PLPPR5: variants seen among roughly 807,000 people sequenced by gnomAD.
PLPPR5 encodes phospholipid phosphatase related 5.
In PLPPR5, 16 loss-of-function variants were observed where a neutral mutation model predicts 33.9. The observed-to-expected ratio is 0.47, with a 90% CI of 0.32 to 0.72. The LOEUF (loss-of-function observed/expected upper bound fraction) is 0.72. PLPPR5 is among the 30% of genes least tolerant of loss of function. The pLI is 0.03. For missense variants in PLPPR5, 301 were observed against 406.7 expected (o/e 0.74, Z 2.23); for synonymous variants, 163 against 150.3 (o/e 1.08, Z -0.62).
At chr1:98,900,512 C>A (rs75068956) in intron 5 of PLPPR5, among the ~76,000 whole-genome samples, 2 of 152,184 alleles carry the variant, frequency 1.3e-5, no homozygotes, top group Non-Finnish European at 2.9e-5. Flanking sequence ...TGTTACATTT[C>A]ATATATTACG....
At chr1:98,979,311 T>C (rs929692451) in intron 1 of PLPPR5, among the ~76,000 whole-genome samples, 5 of 152,078 alleles carry the variant, frequency 3.3e-5, no homozygotes, top group African/African-American at 1.2e-4. Flanking sequence ...TAATTTAAGC[T>C]CTGCTACTGT....
chr1:98,924,771 T>A (rs78400949), intron 3 of PLPPR5, among the ~76,000 whole-genome samples: 1 of 152,196 alleles, frequency 6.6e-6, no homozygotes, highest in South Asian at 2.1e-4. Flanking sequence ...GCAAGGTTCA[T>A]AAGGAGCCCA....
intron 1 of PLPPR5, among the ~76,000 whole-genome samples, chr1:98,973,007 G>T (rs957298491): frequency 3.3e-5 from 5 of 152,094 alleles, no homozygotes; most frequent in Non-Finnish European, 7.4e-5. Context: ...AGTCAGCCCA[G>T]GGTAGAACAG....
chr1:99,004,781 G>C lies in PLPPR5; in HGVS notation c.-110C>G. Reference sequence around the variant, plus strand: ...GGGGGCGCGGCGGCGGAGGCGGCGGGAGGACGAGGCACGGGAGGCGGGATG... The same window carrying C: ...GGGGGCGCGGCGGCGGAGGCGGCGGCAGGACGAGGCACGGGAGGCGGGATG... On this transcript the variant is annotated 5_prime_UTR_variant, in exon 1 of 6. Coordinates refer to ENST00000263177, the MANE Select transcript of PLPPR5 (RefSeq NM_001037317.2). 1 of 606,398 alleles carries C rather than the reference G, an allele frequency of 1.6e-6. No homozygotes were observed. Among genetic ancestry groups the C allele is most frequent in the African/African-American group, 2.0e-5 (1 of 50,844 alleles). The allele number at this position is 606,398 out of a possible 1,614,324, so 37.6% of individuals were successfully genotyped here. A position where few individuals can be genotyped will look rare whatever the true frequency, so the allele number is the denominator to read the frequency against.
chr1:98,981,802 G>T (rs1268455459), intron 1 of PLPPR5, among the ~76,000 whole-genome samples: 1 of 152,036 alleles, frequency 6.6e-6, no homozygotes, highest in Non-Finnish European at 1.5e-5. Flanking sequence ...AAGCTAATTT[G>T]CACTTGTTTG....
At chr1:98,956,803 T>A in intron 1 of PLPPR5, 62 bp from the exon 2 acceptor site, 1 of 1,302,648 alleles carries the variant, frequency 7.7e-7, no homozygotes, top group South Asian at 1.8e-5. Context: ...GTAAAATATT[T>A]TTATTTTAAA....
chr1:98,900,968 A>G (rs1490760885), intron 5 of PLPPR5, among the ~76,000 whole-genome samples: 9 of 152,180 alleles, frequency 5.9e-5, no homozygotes, highest in South Asian at 2.1e-4. Context: ...CAACCTGGCA[A>G]TCTCACTGCT....
rs55722150 is a variant in PLPPR5 at position 99,001,671 on chromosome 1, G to GATATATATATATATAT, written c.237+2748_237+2763dup. ...ACTAGAAATGAGTTTGAAAGTTAAAGATATATATATATATATATATATATA... is the reference window on the plus strand; with the variant it reads ...ACTAGAAATGAGTTTGAAAGTTAAAGATATATATATATATATATATATATATATATATATATATATA... On this transcript the variant is annotated intron_variant, in intron 1 of 5. Transcript: ENST00000263177. 3.5e-3 allele frequency among the ~76,000 whole-genome samples: 360 copies of GATATATATATATATAT among 102,146 alleles called. 10 individuals carry two copies. The highest frequency in any genetic ancestry group is 4.2e-3 in the Non-Finnish European group (222 of 52,356). 67.0% of individuals were successfully genotyped at this position (102,146 alleles called of 152,430 possible).
intron 3 of PLPPR5, among the ~76,000 whole-genome samples, chr1:98,939,190 A>T (rs529031776): frequency 1.3e-5 from 2 of 151,850 alleles, no homozygotes; most frequent in Non-Finnish European, 1.5e-5. Flanking sequence ...AGTATATTTT[A>T]AAAATATACT....
chr1:98,976,092 T>TACAAAAAAAAA (rs1651840943), intron 1 of PLPPR5, among the ~76,000 whole-genome samples: 1 of 74,706 alleles, frequency 1.3e-5, no homozygotes, highest in Non-Finnish European at 2.7e-5. Context: ...TACTAAAAAG[T>TACAAAAAAAAA]AAAAAAAAAA....
In PLPPR5 at chr1:98,961,864, G is replaced by A. The variant is rs571804734; in HGVS notation, c.238-5123C>T. ...TTCCTGACAGAAGCTCTCCCTGGTGGACTTCATTCCTCCTAAGACTTTACC... is the reference window on the plus strand; with the variant it reads ...TTCCTGACAGAAGCTCTCCCTGGTGAACTTCATTCCTCCTAAGACTTTACC... On this transcript the variant is annotated intron_variant, in intron 1 of 5. Transcript: ENST00000263177. Among the ~76,000 whole-genome samples the A allele has an allele frequency of 4.6e-5, 7 of 152,194 alleles. No individual in the cohort carries two copies. In the South Asian group the frequency reaches 8.3e-4, roughly 18 times the overall value.
intron 3 of PLPPR5, among the ~76,000 whole-genome samples, chr1:98,951,677 T>A (rs1015664270): frequency 1.3e-5 from 2 of 152,234 alleles, no homozygotes; most frequent in Non-Finnish European, 2.9e-5. Flanking sequence ...ATTTCCTTCC[T>A]AAATTGTCCT....
chr1:98,952,645 A>C (rs535528693), intron 3 of PLPPR5, among the ~76,000 whole-genome samples: 14 of 152,314 alleles, frequency 9.2e-5, no homozygotes, highest in South Asian at 4.1e-4. Flanking sequence ...GCCTGTAATA[A>C]TAGTGCTTTC....
At chr1:98,910,952 C>A (rs1649124576) in intron 5 of PLPPR5, among the ~76,000 whole-genome samples, 1 of 148,092 alleles carries the variant, frequency 6.8e-6, no homozygotes, top group Non-Finnish European at 1.5e-5. Context: ...CGATGTAATT[C>A]AAAGACCTGC....
chr1:98,909,919 T>C (rs1056708447), intron 5 of PLPPR5, among the ~76,000 whole-genome samples: 1 of 152,200 alleles, frequency 6.6e-6, no homozygotes, highest in Non-Finnish European at 1.5e-5. Flanking sequence ...AATGTTCAGA[T>C]AGATATACTT....
At position 98,939,435 on chromosome 1, in the gene PLPPR5, G is replaced by T. The variant is rs75933322; in HGVS notation, c.621+13635C>A. Among the ~76,000 whole-genome samples, 972 of 151,888 alleles carry T rather than the reference G, an allele frequency of 6.4e-3. 25 individuals carry two copies. The highest frequency in any genetic ancestry group is 8.3e-3 in the Non-Finnish European group (565 of 67,900). On this transcript the variant is annotated intron_variant, in intron 3 of 5. Transcript: ENST00000263177. ...TTAATCCAGGTTGCTAAGGTAAAAA[G>T]AATTTTTTTCCCACTACTTAGCATC...
At chr1:98,915,023 A>C in intron 4 of PLPPR5, 103 bp from the exon 5 acceptor site, 1 of 1,006,524 alleles carries the variant, frequency 9.9e-7, no homozygotes, top group Non-Finnish European at 1.4e-6. Context: ...AAAGTATTAA[A>C]ATTACTTAAA....
At chr1:98,993,492 T>G (rs1243036672) in intron 1 of PLPPR5, among the ~76,000 whole-genome samples, 2 of 152,234 alleles carry the variant, frequency 1.3e-5, no homozygotes, top group African/African-American at 2.4e-5. Context: ...TGTCATATAG[T>G]TTTGACTAAG....
At chr1:98,906,385 G>T (rs150707075) in intron 5 of PLPPR5, among the ~76,000 whole-genome samples, 1 of 152,004 alleles carries the variant, frequency 6.6e-6, no homozygotes, top group Non-Finnish European at 1.5e-5. Context: ...TTGTTGGCCA[G>T]GTTCTATGGA....
Sources: gnomAD v4.1 joint callset for allele counts (sites outside exome capture counted in the v4.1 genomes callset) on GRCh38, gnomAD v4.1.1 for gene constraint, MANE v1.5 for transcripts, NCBI Gene and HGNC (gene_info 2026-07-23, HGNC 2026-07-21) for gene names.